The following LDLRAD3 variants were observed in gnomAD, a reference collection of about 807,000 sequenced individuals.
The protein encoded by LDLRAD3 is low-density lipoprotein receptor class A domain-containing protein 3.
A neutral mutation model predicts 29.4 loss-of-function variants in LDLRAD3; 20 were observed. The ratio of observed to expected loss-of-function variants is 0.68; its 90% CI spans 0.48 to 0.99. The LOEUF (loss-of-function observed/expected upper bound fraction) is 0.99. Among genes scored for constraint, LDLRAD3 ranks in the 50% least tolerant of loss-of-function variants. LDLRAD3 has a pLI of 0.00. For missense variants in LDLRAD3, 420 were observed against 454.3 expected, an observed-to-expected ratio of 0.92 and a Z score of 0.69; for synonymous variants, 157 against 192.7, an observed-to-expected ratio of 0.81 and a Z score of 1.53.
rs578233077 is a variant in LDLRAD3, at chr11:36,028,336, G to A, written c.47-7767G>A. 1.1e-4 allele frequency among the ~76,000 whole-genome samples: 16 copies of A among 152,348 alleles called. No individual in the cohort carries two copies. The East Asian group carries it at 2.9e-3, about 28-fold the overall frequency. On this transcript the variant is annotated intron_variant, in intron 1 of 5. Coordinates refer to ENST00000315571, the MANE Select transcript of LDLRAD3 (RefSeq NM_174902.4). The stretch of plus-strand genomic sequence containing the variant: ...GTTGCTGAGGATGCAGCAGCAAGAA[G>A]ACATGGTGTTGGGAGCAGCCAGTCA...
intron 3 of LDLRAD3, among the ~76,000 whole-genome samples, chr11:36,082,755 C>G (rs1853134590): frequency 6.6e-6 from 1 of 152,194 alleles, no homozygotes; most frequent in Admixed American, 6.5e-5. Context: ...TGGATACATG[C>G]AGATCCTTCC....
In LDLRAD3 at chr11:36,230,165, T is replaced by G. The variant is rs1855556771; in HGVS notation, c.*768T>G. On this transcript the variant is annotated 3_prime_UTR_variant, in exon 6 of 6. Coordinates refer to ENST00000315571, the MANE Select transcript of LDLRAD3 (RefSeq NM_174902.4). ...TTATCCAAGTTCTCAGCTCCTAAAA[T>G]GCAGGCTGCCAAGACCCTACACCTG... 6.6e-6 allele frequency: 1 copy of G among 152,182 alleles called. No individual in the cohort carries two copies. 9.4% of individuals were successfully genotyped at this position (152,182 alleles called of 1,614,324 possible).
chr11:36,107,133 T>G (rs1369108292), intron 4 of LDLRAD3, among the ~76,000 whole-genome samples: 1 of 152,196 alleles, frequency 6.6e-6, no homozygotes, highest in Non-Finnish European at 1.5e-5. Context: ...AAGATGTGTC[T>G]GCTACATAGC....
chr11:35,995,358 C>CT (rs1450580009), intron 1 of LDLRAD3, among the ~76,000 whole-genome samples: 1 of 152,218 alleles, frequency 6.6e-6, no homozygotes, highest in African/African-American at 2.4e-5. Context: ...TGAAAGGAAT[C>CT]TTTTCCTGAG....
At chr11:36,074,086 C>T (rs1028560820) in intron 2 of LDLRAD3, among the ~76,000 whole-genome samples, 1 of 152,192 alleles carries the variant, frequency 6.6e-6, no homozygotes, top group Non-Finnish European at 1.5e-5. Flanking sequence ...AAATGCTAGC[C>T]ATGTTCTCCG....
intron 1 of LDLRAD3, among the ~76,000 whole-genome samples, chr11:35,966,270 T>C (rs1186915696): frequency 6.6e-6 from 1 of 151,836 alleles, no homozygotes; most frequent in Non-Finnish European, 1.5e-5. Flanking sequence ...ACTAAAAATA[T>C]AAAAGTTAGC....
At chr11:36,134,102 A>T (rs1590295694) in intron 4 of LDLRAD3, among the ~76,000 whole-genome samples, 1 of 152,270 alleles carries the variant, frequency 6.6e-6, no homozygotes, top group South Asian at 2.1e-4. Flanking sequence ...TTGGATGGGC[A>T]ACCAGACACT....
At chr11:36,163,640 TA>T (rs1854474964) in intron 4 of LDLRAD3, 1 of 138,034 alleles carries the variant, frequency 7.2e-6, no homozygotes, top group South Asian at 2.5e-4. Context: ...ACCCATTTGA[TA>T]ACCCACTTGA....
At chr11:36,208,976 A>C (rs1855247359) in intron 4 of LDLRAD3, among the ~76,000 whole-genome samples, 2 of 152,262 alleles carry the variant, frequency 1.3e-5, no homozygotes, top group South Asian at 2.1e-4. Flanking sequence ...AAAGTGATCA[A>C]AGTTAACATC....
intron 1 of LDLRAD3, among the ~76,000 whole-genome samples, chr11:36,001,990 A>G (rs1851831178): frequency 6.6e-6 from 1 of 152,214 alleles, no homozygotes. Context: ...CTTGAGACCC[A>G]GTGAGCAGCT....
chr11:36,056,638 G>A (rs571346814), intron 2 of LDLRAD3, among the ~76,000 whole-genome samples: 2 of 152,246 alleles, frequency 1.3e-5, no homozygotes, highest in South Asian at 2.1e-4. Flanking sequence ...TCCCATTGCC[G>A]CAAAAAGATA....
rs748234560 is a variant in LDLRAD3, at chr11:36,229,171, A to G, written c.812A>G (p.Tyr271Cys). The G allele has an allele frequency of 4.3e-6, 7 of 1,613,276 alleles. No homozygotes were observed. In the Admixed American group the frequency reaches 6.7e-5, roughly 15 times the overall value. The change falls in exon 6 of 6, where the codon TAT becomes TGT. Residue 271 changes from tyrosine to cysteine, a missense_variant. By Grantham distance (194) the Tyr-to-Cys change is radical. This residue lies in a region of LDLRAD3 where 140 missense variants were observed against 139.9 expected (regional missense o/e 1.00). Coordinates refer to ENST00000315571, the MANE Select transcript of LDLRAD3 (RefSeq NM_174902.4). ...TGTCCCCATCACAGGCCTGCGTGGTATGACCTTCCTCCACCGCCCTACTCT... is the reference window on the plus strand; with the variant it reads ...TGTCCCCATCACAGGCCTGCGTGGTGTGACCTTCCTCCACCGCCCTACTCT... ...EALLDQRPAW[Y>C]DLPPPPYSSD...
intron 4 of LDLRAD3, among the ~76,000 whole-genome samples, chr11:36,140,392 C>G (rs1393935822): frequency 6.6e-6 from 1 of 152,196 alleles, no homozygotes; most frequent in East Asian, 1.9e-4. Flanking sequence ...AAATGCCTGT[C>G]TGTAGGGGAT....
At chr11:36,226,598 A>G (rs375000077) in intron 4 of LDLRAD3, among the ~76,000 whole-genome samples, 1 of 152,194 alleles carries the variant, frequency 6.6e-6, no homozygotes, top group African/African-American at 2.4e-5. Context: ...CGGGGGGGAA[A>G]TTTACCAATT....
chr11:36,127,711 T>C (rs1853858193), intron 4 of LDLRAD3, among the ~76,000 whole-genome samples: 1 of 152,176 alleles, frequency 6.6e-6, no homozygotes, highest in Non-Finnish European at 1.5e-5. Flanking sequence ...ATTTAGGTTA[T>C]GTCATTTGCT....
At chr11:36,227,912 AGAAGT>A (rs1855523103) in intron 5 of LDLRAD3, among the ~76,000 whole-genome samples, 1 of 152,252 alleles carries the variant, frequency 6.6e-6, no homozygotes, top group African/African-American at 2.4e-5. Context: ...GGATAAATGA[AGAAGT>A]GAATGAATGA....
intron 1 of LDLRAD3, among the ~76,000 whole-genome samples, chr11:36,015,747 C>T (rs1017238958): frequency 6.6e-6 from 1 of 151,996 alleles, no homozygotes; most frequent in African/African-American, 2.4e-5. Context: ...TCCTTTTACT[C>T]CACGTTAAAA....
chr11:36,037,809 A>G (rs577388170), intron 2 of LDLRAD3, among the ~76,000 whole-genome samples: 85 of 152,272 alleles, frequency 5.6e-4, no homozygotes, highest in African/African-American at 2.0e-3. Context: ...TGGGATGGGA[A>G]AATTGGGGGT....
intron 1 of LDLRAD3, among the ~76,000 whole-genome samples, chr11:35,946,945 A>G (rs1041931009): frequency 6.6e-6 from 1 of 152,172 alleles, no homozygotes; most frequent in African/African-American, 2.4e-5. Context: ...TTTCATCTTC[A>G]AAGAGATGTG....
Sources: allele counts gnomAD v4.1 joint callset (sites outside exome capture counted in the v4.1 genomes callset), GRCh38; gene constraint gnomAD v4.1.1; regional missense constraint gnomAD v4.1.1; transcripts MANE v1.5; gene names NCBI Gene and HGNC (gene_info 2026-07-23, HGNC 2026-07-21).